Variants in RBM47 observed in about 807,000 individuals in gnomAD.
RBM47 encodes the protein RNA binding motif protein 47, also known as RNA-binding protein 47.
Under a neutral mutation model 47.1 loss-of-function variants are expected in RBM47, and 21 were observed. The ratio of observed to expected loss-of-function variants is 0.45; its 90% confidence interval spans 0.32 to 0.64. The LOEUF (loss-of-function observed/expected upper bound fraction) is 0.64, where lower values mean the gene tolerates loss of function less well. RBM47 is among the 30% of genes least tolerant of loss of function. The probability of loss-of-function intolerance (pLI) is 0.05; values close to 1 mark genes in which losing one functional copy is unlikely to be tolerated. For missense variants in RBM47, 708 were observed against 870.9 expected, an observed-to-expected ratio of 0.81 and a Z score of 2.35; for synonymous variants, 375 against 361.7, an observed-to-expected ratio of 1.04 and a Z score of -0.42.
chr4:40,542,129 A>G (rs1577920687), intron 2 of RBM47, among the ~76,000 whole-genome samples: 2 of 152,218 alleles, frequency 1.3e-5, no homozygotes, highest in Admixed American at 1.3e-4. Flanking sequence ...TCTAGGGAAT[A>G]ATGCTGATAC....
At chr4:40,517,702 T>C (rs1725746386) in intron 2 of RBM47, among the ~76,000 whole-genome samples, 2 of 152,194 alleles carry the variant, frequency 1.3e-5, no homozygotes, top group African/African-American at 2.4e-5. Flanking sequence ...TATACTACTA[T>C]GTGCCCACAA....
intron 1 of RBM47, among the ~76,000 whole-genome samples, chr4:40,555,767 A>C (rs1434476430): frequency 6.6e-6 from 1 of 152,178 alleles, no homozygotes; most frequent in Admixed American, 6.5e-5. Context: ...TGATTCCTCA[A>C]CTGTTTTTCT....
chr4:40,621,038 C>A (rs976379722), intron 1 of RBM47, among the ~76,000 whole-genome samples: 1 of 151,588 alleles, frequency 6.6e-6, no homozygotes, highest in Admixed American at 6.6e-5. Flanking sequence ...CCAAATAATT[C>A]TAAATCAGCC....
At chr4:40,513,979 A>G (rs1725268207) in intron 2 of RBM47, among the ~76,000 whole-genome samples, 1 of 152,114 alleles carries the variant, frequency 6.6e-6, no homozygotes, top group Admixed American at 6.6e-5. Flanking sequence ...TCGGCCTTCC[A>G]AAGTGCTGAG....
chr4:40,437,121 T>TATATAAAATAC (rs1712696845), intron 4 of RBM47, among the ~76,000 whole-genome samples: 1 of 89,762 alleles, frequency 1.1e-5, no homozygotes, highest in African/African-American at 5.3e-5. Context: ...AAAATACATA[T>TATATAAAATAC]ATATATATAT....
At chr4:40,630,155 G>T (rs1256789818), upstream of RBM47, 1 of 152,320 alleles carries the variant, frequency 6.6e-6, no homozygotes, top group Non-Finnish European at 1.5e-5. Context: ...AGAGATTGGG[G>T]GACTTGACCA....
intron 2 of RBM47, among the ~76,000 whole-genome samples, chr4:40,470,596 T>A (rs533685303): frequency 6.6e-6 from 1 of 152,186 alleles, no homozygotes; most frequent in African/African-American, 2.4e-5. Context: ...TTAATACATT[T>A]ATTTTTCGGA....
chr4:40,469,707 T>C (rs1184366057), intron 2 of RBM47, among the ~76,000 whole-genome samples: 1 of 151,992 alleles, frequency 6.6e-6, no homozygotes, highest in Admixed American at 6.6e-5. Context: ...GTGTTTCATT[T>C]TGGGGAAATG....
chr4:40,448,100 G>C (rs921339642), intron 3 of RBM47, among the ~76,000 whole-genome samples: 1 of 152,210 alleles, frequency 6.6e-6, no homozygotes, highest in African/African-American at 2.4e-5. Flanking sequence ...GGGAGGCTGA[G>C]GTAGAGAATT....
intron 1 of RBM47, among the ~76,000 whole-genome samples, chr4:40,601,818 T>C (rs1735306767): frequency 6.6e-6 from 1 of 152,160 alleles, no homozygotes; most frequent in African/African-American, 2.4e-5. Context: ...GAACAGGCCT[T>C]AAAGGAAATT....
chr4:40,438,588 G>A lies in RBM47; in HGVS notation c.306C>T (p.Leu102=), dbSNP rs2154213589. 1.1e-5 allele frequency: 18 copies of A among 1,613,964 alleles called. No homozygotes were observed. Among genetic ancestry groups the A allele is most frequent in the Non-Finnish European group, 1.5e-5 (18 of 1,179,980 alleles). The change falls in exon 4 of 7, where the codon CTC becomes CTT. Residue 102 remains leucine, a synonymous_variant. Coordinates refer to ENST00000295971, the MANE Select transcript of RBM47 (RefSeq NM_001098634.2). ...GGTTCTTGCCGTCAAAGTCCATCAT[G>A]AGGCGCAGCTCGTAGATGCGGCCCA... The part of the protein sequence containing the change: ...EAVGRIYELR[L]MMDFDGKNRG...
chr4:40,592,020 C>T (rs551668697), intron 1 of RBM47, among the ~76,000 whole-genome samples: 1 of 152,140 alleles, frequency 6.6e-6, no homozygotes, highest in African/African-American at 2.4e-5. Flanking sequence ...CAATGCTTTA[C>T]CCCTCAGGAA....
At chr4:40,505,321 G>A (rs278952) in intron 2 of RBM47, among the ~76,000 whole-genome samples, 89,299 of 151,498 alleles carry the variant, frequency 0.59, 26,861 homozygotes, top group Middle Eastern at 0.74. Flanking sequence ...GTGAAACCCC[G>A]TCTCTACTAA....
intron 5 of RBM47, 26 bp downstream of exon 5, chr4:40,436,415 G>A (rs1342982201): frequency 6.2e-7 from 1 of 1,600,458 alleles, no homozygotes; most frequent in Non-Finnish European, 8.5e-7. Flanking sequence ...CTGAATGGGA[G>A]CATTCTCAAT....
intron 2 of RBM47, among the ~76,000 whole-genome samples, chr4:40,531,401 T>C (rs1259481723): frequency 6.6e-6 from 1 of 151,790 alleles, no homozygotes; most frequent in East Asian, 1.9e-4. Flanking sequence ...CCCCTGGTCC[T>C]AGGACAAGGA....
At chr4:40,506,766 C>T (rs1393352233) in intron 2 of RBM47, among the ~76,000 whole-genome samples, 1 of 152,176 alleles carries the variant, frequency 6.6e-6, no homozygotes, top group Non-Finnish European at 1.5e-5. Flanking sequence ...ATACTTTGCT[C>T]TTTATTGGAG....
intron 1 of RBM47, among the ~76,000 whole-genome samples, chr4:40,581,330 G>A (rs895097797): frequency 5.3e-5 from 8 of 151,946 alleles, no homozygotes; most frequent in African/African-American, 1.9e-4. Flanking sequence ...GCTGAGGTGG[G>A]AAGATCCCTT....
chr4:40,487,283 A>G (rs1209388139), intron 2 of RBM47, among the ~76,000 whole-genome samples: 3 of 152,116 alleles, frequency 2.0e-5, no homozygotes, highest in Admixed American at 2.0e-4. Context: ...TTTCAGCTCT[A>G]CATCATCATT....
At chr4:40,486,432 C>T (rs278959) in intron 2 of RBM47, among the ~76,000 whole-genome samples, 39,686 of 152,006 alleles carry the variant, frequency 0.26, 5,242 homozygotes, top group African/African-American at 0.28. Flanking sequence ...TAGTTCAACT[C>T]TATTCAAATC....
Sources: gnomAD v4.1 joint callset for allele counts (sites outside exome capture counted in the v4.1 genomes callset) on GRCh38, gnomAD v4.1.1 for gene constraint, MANE v1.5 for transcripts, NCBI Gene and HGNC (gene_info 2026-07-23, HGNC 2026-07-21) for gene names.